The following METAP1D variants were observed in gnomAD, a reference collection of about 807,000 sequenced individuals.
METAP1D encodes the protein methionine aminopeptidase 1D, mitochondrial.
A neutral mutation model predicts 40.5 loss-of-function variants in METAP1D; 31 were observed. The observed-to-expected ratio is 0.77, with a 90% CI of 0.58 to 1.03. The LOEUF is 1.03. Among genes scored for constraint, METAP1D ranks in the 50% least tolerant of loss-of-function variants. The pLI, the probability that METAP1D is intolerant of heterozygous loss-of-function variation, is 0.00. For missense variants in METAP1D, 411 were observed against 420.7 expected, an observed-to-expected ratio of 0.98 and a Z score of 0.20; for synonymous variants, 151 against 146.4, an observed-to-expected ratio of 1.03 and a Z score of -0.22.
In METAP1D at chr2:172,071,026, T is replaced by C. The variant is rs747576115; in HGVS notation, c.660T>C (p.Ala220=). ...GGTGTAGAGATGAAGCAATTGCAGC[T>C]TGCAGAGCAGGGGCTCCCTTCTCTG... ...ARRCRDEAIA[A]CRAGAPFSVI... is the part of the protein sequence containing the mutation. The change falls in exon 6 of 10, where the codon GCT becomes GCC. Residue 220 remains alanine (A), a synonymous_variant. Transcript: ENST00000315796. The C allele has an allele frequency of 6.2e-7, 1 of 1,612,956 alleles. No individual in the cohort carries two copies. Among genetic ancestry groups the C allele is most frequent in the Non-Finnish European group, 8.5e-7 (1 of 1,179,230 alleles).
At chr2:172,001,384 C>T (rs1310192198) in intron 1 of METAP1D, among the ~76,000 whole-genome samples, 1 of 151,310 alleles carries the variant, frequency 6.6e-6, no homozygotes, top group East Asian at 2.0e-4. Flanking sequence ...TACTAATATA[C>T]ACAATTAGCT....
intron 1 of METAP1D, among the ~76,000 whole-genome samples, chr2:172,007,519 G>C (rs1688615090): frequency 6.6e-6 from 1 of 152,048 alleles, no homozygotes; most frequent in Admixed American, 6.6e-5. Flanking sequence ...GTTAGTTCTA[G>C]GGGGTGGCTG....
intron 1 of METAP1D, among the ~76,000 whole-genome samples, chr2:172,028,631 A>C (rs1260617669): frequency 1.3e-5 from 2 of 150,018 alleles, no homozygotes; most frequent in Non-Finnish European, 3.0e-5. Flanking sequence ...TATAATATGC[A>C]ACTTGTTTTT....
At chr2:172,079,740 C>T (rs1690653178) in intron 8 of METAP1D, among the ~76,000 whole-genome samples, 2 of 152,122 alleles carry the variant, frequency 1.3e-5, no homozygotes. Flanking sequence ...TTGTTATTTG[C>T]TGATGAATGA....
chr2:172,021,279 A>G (rs758228584), intron 1 of METAP1D, among the ~76,000 whole-genome samples: 10 of 152,168 alleles, frequency 6.6e-5, no homozygotes, highest in Non-Finnish European at 1.3e-4. Flanking sequence ...TTTGAGCTTA[A>G]CCTCTCTGGG....
Position 172,059,545 on chromosome 2 carries a change from A to G in METAP1D, c.41-1953A>G, listed in dbSNP as rs982775454. ...CATTTGTAAGCAAATGAGGGTAGCT[A>G]TGGTCCAATGAACCTTTTATTTATG... On this transcript the variant is annotated intron_variant, in intron 1 of 9. Coordinates refer to ENST00000315796, the MANE Select transcript of METAP1D (RefSeq NM_199227.3). Among the ~76,000 whole-genome samples, 8 of 152,226 alleles carry G rather than the reference A, an allele frequency of 5.3e-5. No individual in the cohort carries two copies. The South Asian group carries it at 6.2e-4, about 12-fold the overall frequency.
At chr2:172,076,695 C>A (rs1690554543) in intron 6 of METAP1D, among the ~76,000 whole-genome samples, 1 of 152,240 alleles carries the variant, frequency 6.6e-6, no homozygotes, top group Non-Finnish European at 1.5e-5. Context: ...AATGTATAAA[C>A]ATGAATGGCC....
At chr2:172,056,833 C>T (rs1690011744) in intron 1 of METAP1D, among the ~76,000 whole-genome samples, 1 of 152,232 alleles carries the variant, frequency 6.6e-6, no homozygotes, top group African/African-American at 2.4e-5. Flanking sequence ...TGGTAACTCA[C>T]ACCTGTTTGA....
chr2:172,003,442 C>T (rs990518255), intron 1 of METAP1D, among the ~76,000 whole-genome samples: 5 of 152,164 alleles, frequency 3.3e-5, no homozygotes, highest in African/African-American at 1.2e-4. Flanking sequence ...TTGTAATAAT[C>T]CCCATGTGTC....
At position 172,014,308 on chromosome 2, in the gene METAP1D, C is replaced by A. The variant is rs187381802; in HGVS notation, c.40+14299C>A. On this transcript the variant is annotated intron_variant, in intron 1 of 9. Coordinates refer to ENST00000315796, the MANE Select transcript of METAP1D (RefSeq NM_199227.3). ...TGTATTTTTAATAGAGACAGGGTTT[C>A]ACTATGTTGGCCAGGCTGGTCTTGC... Among the ~76,000 whole-genome samples the A allele has an allele frequency of 5.0e-4, 76 of 152,122 alleles. 1 individual carries two copies. The East Asian group carries it at 0.012, about 23-fold the overall frequency.
chr2:172,005,174 A>C (rs180689821), intron 1 of METAP1D, among the ~76,000 whole-genome samples: 1 of 151,822 alleles, frequency 6.6e-6, no homozygotes, highest in African/African-American at 2.4e-5. Context: ...TTTATGTTTT[A>C]TTTCAATAGT....
chr2:172,063,864 G>A lies in METAP1D; in HGVS notation c.348+4G>A, dbSNP rs779210388. 9.3e-6 allele frequency: 15 copies of A among 1,605,516 alleles called. 1 individual carries two copies. The South Asian group carries it at 1.4e-4, about 16-fold the overall frequency. On this transcript the variant is annotated splice_donor_region_variant and intron_variant, in intron 3 of 9. Coordinates refer to ENST00000315796, the MANE Select transcript of METAP1D (RefSeq NM_199227.3). Reference sequence around the variant, plus strand: ...CTTGGCTGGGAAGAGTTTAAAGGTGGCGTCTCACCAAGCCTCAGAACGACT... The same window carrying A: ...CTTGGCTGGGAAGAGTTTAAAGGTGACGTCTCACCAAGCCTCAGAACGACT...
chr2:172,076,093 C>T (rs1690537189), intron 6 of METAP1D, among the ~76,000 whole-genome samples: 1 of 152,006 alleles, frequency 6.6e-6, no homozygotes, highest in African/African-American at 2.4e-5. Flanking sequence ...TTCTTCCTCT[C>T]CTCTCATCGG....
intron 1 of METAP1D, among the ~76,000 whole-genome samples, chr2:172,048,238 T>G (rs1417552714): frequency 2.0e-5 from 3 of 152,206 alleles, no homozygotes; most frequent in Non-Finnish European, 4.4e-5. Context: ...GTGAATTACT[T>G]GCTTTGTGGA....
Position 172,070,927 on chromosome 2 carries a change from T to C in METAP1D, c.561T>C (p.His187=), listed in dbSNP as rs752976912. ...TTTAGGTCTATTACAATGGCTACCA[T>C]GGAGACACCTCTGAAACATTTTTGG... ...IDVTVYYNGY[H]GDTSETFLVG... Residue 187 remains histidine, a synonymous_variant, in exon 6 of 10, where the codon CAT becomes CAC. Coordinates refer to ENST00000315796, the MANE Select transcript of METAP1D (RefSeq NM_199227.3). 1.9e-6 allele frequency: 3 copies of C among 1,611,920 alleles called. No individual in the cohort carries two copies. The highest frequency in any genetic ancestry group is 1.1e-5 in the South Asian group (1 of 90,806).
rs79179630 is a variant in METAP1D at position 172,058,225 on chromosome 2, A to G, written c.41-3273A>G. Among the ~76,000 whole-genome samples the G allele has an allele frequency of 1.6e-3, 247 of 152,242 alleles. 1 individual carries two copies. Among genetic ancestry groups the G allele is most frequent in the African/African-American group, 5.5e-3 (230 of 41,558 alleles). On this transcript the variant is annotated intron_variant, in intron 1 of 9. Coordinates refer to ENST00000315796, the MANE Select transcript of METAP1D (RefSeq NM_199227.3). Reference sequence around the variant, plus strand: ...CGATCCTCCCACCTCGACCTCCCAAAGCGCTGGGATTACAGGTTTTTATGT... The same window carrying G: ...CGATCCTCCCACCTCGACCTCCCAAGGCGCTGGGATTACAGGTTTTTATGT...
intron 8 of METAP1D, 76 bp downstream of exon 8, chr2:172,079,338 C>T (rs1301247360): frequency 7.4e-7 from 1 of 1,358,680 alleles, no homozygotes; most frequent in Non-Finnish European, 1.1e-6. Flanking sequence ...GCCCGGCAGT[C>T]CGGTGAAGGA....
chr2:172,009,483 T>A (rs977879297), intron 1 of METAP1D, among the ~76,000 whole-genome samples: 1 of 152,098 alleles, frequency 6.6e-6, no homozygotes, highest in Non-Finnish European at 1.5e-5. Flanking sequence ...ATGGGTTAAT[T>A]TTTTTTATAT....
intron 5 of METAP1D, among the ~76,000 whole-genome samples, chr2:172,070,079 G>A (rs1255804238): frequency 6.6e-6 from 1 of 152,140 alleles, no homozygotes; most frequent in South Asian, 2.1e-4. Flanking sequence ...CAAAGGATCA[G>A]TATCCAAACA....
Sources: allele counts gnomAD v4.1 joint callset (sites outside exome capture counted in the v4.1 genomes callset), GRCh38; gene constraint gnomAD v4.1.1; transcripts MANE v1.5; gene names NCBI Gene and HGNC (gene_info 2026-07-23, HGNC 2026-07-21).